The following KIF26B variants were observed in gnomAD, a reference collection of about 807,000 sequenced individuals.
KIF26B encodes the protein kinesin-like protein KIF26B.
In KIF26B, 63 loss-of-function variants were observed where a neutral mutation model predicts 151.2. The ratio of observed to expected loss-of-function variants is 0.42; its 90% CI spans 0.34 to 0.51. KIF26B has a LOEUF of 0.51. Among genes scored for constraint, KIF26B ranks in the 20% least tolerant of loss-of-function variants. The pLI is 0.07. For missense variants in KIF26B, 2,813 were observed against 2,913.6 expected, an observed-to-expected ratio of 0.97 and a Z score of 0.79; for synonymous variants, 1,357 against 1,262.1, an observed-to-expected ratio of 1.08 and a Z score of -1.59.
intron 2 of KIF26B, among the ~76,000 whole-genome samples, chr1:245,341,497 A>T (rs1055508687): frequency 6.6e-6 from 1 of 151,632 alleles, no homozygotes; most frequent in African/African-American, 2.4e-5. Flanking sequence ...TTTTTTAAAA[A>T]TTTTTGTAGA....
At chr1:245,549,331 T>C (rs1661825507) in intron 5 of KIF26B, among the ~76,000 whole-genome samples, 1 of 152,224 alleles carries the variant, frequency 6.6e-6, no homozygotes. Flanking sequence ...TGCCACTGTC[T>C]CAATTAACCA....
At chr1:245,532,242 TC>T (rs1558202408) in intron 4 of KIF26B, among the ~76,000 whole-genome samples, 14 of 99,914 alleles carry the variant, frequency 1.4e-4, no homozygotes, top group African/African-American at 4.2e-4. Flanking sequence ...TCTTTTCTTT[TC>T]TTTTCTTTTT....
chr1:245,199,846 C>CCAT (rs1558342686), intron 2 of KIF26B, among the ~76,000 whole-genome samples: 1,769 of 18,852 alleles, frequency 0.094, 36 homozygotes, highest in African/African-American at 0.15. Flanking sequence ...CATCCATCCA[C>CCAT]CCATCCACTT....
At chr1:245,293,824 C>T (rs571699499) in intron 2 of KIF26B, among the ~76,000 whole-genome samples, 9 of 152,172 alleles carry the variant, frequency 5.9e-5, no homozygotes, top group Admixed American at 3.9e-4. Flanking sequence ...GTGATCTGCC[C>T]GCCTCGGCCT....
intron 2 of KIF26B, among the ~76,000 whole-genome samples, chr1:245,350,308 A>C (rs966687572): frequency 6.6e-6 from 1 of 152,020 alleles, no homozygotes; most frequent in South Asian, 2.1e-4. Context: ...TGGTGACTTT[A>C]CCTGTGTTAG....
chr1:245,332,828 G>A (rs34497302), intron 2 of KIF26B, among the ~76,000 whole-genome samples: 1 of 151,962 alleles, frequency 6.6e-6, no homozygotes, highest in Non-Finnish European at 1.5e-5. Context: ...GCCTCTCCTC[G>A]GCACAGGGAC....
intron 6 of KIF26B, among the ~76,000 whole-genome samples, chr1:245,605,994 T>A (rs1715793): frequency 0.038 from 5,849 of 152,210 alleles, 172 homozygotes; most frequent in Admixed American, 0.078. Context: ...CCACTTTATG[T>A]CCAAAGAAGG....
intron 12 of KIF26B, among the ~76,000 whole-genome samples, chr1:245,690,738 C>CCGG (rs1204628968): frequency 2.3e-4 from 35 of 149,206 alleles, no homozygotes; most frequent in African/African-American, 8.5e-4. Context: ...TCTTTATTTG[C>CCGG]CTGGGGGGGG....
rs1488282407 is a variant in KIF26B, at chr1:245,457,880, C to T, written c.1166+38135C>T. ...GCATTGTTGATCATGCTCCCTTTTGCACACAGATAAGTTTCTCTAGGGTGG... is the reference window on the plus strand; with the variant it reads ...GCATTGTTGATCATGCTCCCTTTTGTACACAGATAAGTTTCTCTAGGGTGG... On this transcript the variant is annotated intron_variant, in intron 4 of 14. Transcript: ENST00000407071. 2.0e-5 allele frequency among the ~76,000 whole-genome samples: 3 copies of T among 152,170 alleles called. No individual in the cohort carries two copies. The East Asian group carries it at 5.8e-4, about 29-fold the overall frequency.
chr1:245,543,458 G>A (rs1661668254), intron 5 of KIF26B, among the ~76,000 whole-genome samples: 1 of 151,570 alleles, frequency 6.6e-6, no homozygotes, highest in African/African-American at 2.4e-5. Flanking sequence ...TCAAAGCCCT[G>A]AGTTCACCCA....
intron 3 of KIF26B, among the ~76,000 whole-genome samples, chr1:245,386,185 G>A (rs1673539511): frequency 6.6e-6 from 1 of 152,092 alleles, no homozygotes; most frequent in Non-Finnish European, 1.5e-5. Flanking sequence ...AGGTTGCAGT[G>A]AGTTGAGATT....
intron 2 of KIF26B, among the ~76,000 whole-genome samples, chr1:245,309,927 T>C (rs1308464352): frequency 6.8e-6 from 1 of 146,784 alleles, no homozygotes; most frequent in African/African-American, 2.5e-5. Context: ...TATAAATCAA[T>C]AAATATCTCT....
At chr1:245,181,404 A>G (rs1056947310) in intron 2 of KIF26B, among the ~76,000 whole-genome samples, 1 of 151,970 alleles carries the variant, frequency 6.6e-6, no homozygotes, top group Non-Finnish European at 1.5e-5. Context: ...ACGGATGCCA[A>G]TTTACTACAG....
At chr1:245,460,322 C>T (rs1413254040) in intron 4 of KIF26B, among the ~76,000 whole-genome samples, 1 of 152,072 alleles carries the variant, frequency 6.6e-6, no homozygotes, top group Non-Finnish European at 1.5e-5. Context: ...ATTAGCACAT[C>T]TTCTCTTCTC....
intron 5 of KIF26B, among the ~76,000 whole-genome samples, chr1:245,542,719 ATTCTT>A (rs1661652346): frequency 6.6e-6 from 1 of 152,208 alleles, no homozygotes; most frequent in Non-Finnish European, 1.5e-5. Flanking sequence ...GGGATCTTCT[ATTCTT>A]TTTTACATTT....
At chr1:245,632,665 TGGAA>T (rs2043793387) in intron 9 of KIF26B, among the ~76,000 whole-genome samples, 2 of 152,212 alleles carry the variant, frequency 1.3e-5, no homozygotes, top group Non-Finnish European at 2.9e-5. Flanking sequence ...CCCAGCACTT[TGGAA>T]GGCCAAGGCG....
intron 9 of KIF26B, among the ~76,000 whole-genome samples, chr1:245,636,373 C>T (rs2043834289): frequency 6.6e-6 from 1 of 150,806 alleles, no homozygotes; most frequent in Non-Finnish European, 1.5e-5. Context: ...ACTCTAACAA[C>T]ATTTTTCATC....
intron 2 of KIF26B, among the ~76,000 whole-genome samples, chr1:245,267,470 G>A (rs902541900): frequency 3.9e-5 from 6 of 152,166 alleles, no homozygotes; most frequent in African/African-American, 1.4e-4. Context: ...AGCAGTCTCA[G>A]AGGTAATTTT....
rs865997651 is a variant in KIF26B, at chr1:245,549,436, A to G, written c.1350+8486A>G. On this transcript the variant is annotated intron_variant, in intron 5 of 14. Coordinates refer to ENST00000407071, the MANE Select transcript of KIF26B (RefSeq NM_018012.4). ...TAGTTAAGCTCAGCACAATTAGACC[A>G]TTACTGATATCAGGAGAATGGAAAC... is the stretch of plus-strand genomic sequence containing the variant. Among the ~76,000 whole-genome samples, 4 of 152,242 alleles carry G rather than the reference A, an allele frequency of 2.6e-5. No individual in the cohort carries two copies. The South Asian group carries it at 8.3e-4, about 32-fold the overall frequency.
Sources: gnomAD v4.1 joint callset for allele counts (sites outside exome capture counted in the v4.1 genomes callset) on GRCh38, gnomAD v4.1.1 for gene constraint, MANE v1.5 for transcripts, NCBI Gene and HGNC (gene_info 2026-07-23, HGNC 2026-07-21) for gene names.